Variants in CPNE8 observed in about 807,000 individuals in gnomAD.
CPNE8 encodes copine 8.
In CPNE8, 45 loss-of-function variants were observed where a neutral mutation model predicts 81.5. That is an observed-to-expected ratio of 0.55 (90% confidence interval 0.44 to 0.71). The LOEUF (loss-of-function observed/expected upper bound fraction) is 0.71. CPNE8 is among the 30% of genes least tolerant of loss of function. CPNE8 has a pLI of 0.00. For missense variants in CPNE8, 594 were observed against 672.1 expected (o/e 0.88, Z 1.28); for synonymous variants, 252 against 226.3 (o/e 1.11, Z -1.02).
chr12:38,850,394 T>A (rs1943627193), intron 3 of CPNE8, among the ~76,000 whole-genome samples: 1 of 152,098 alleles, frequency 6.6e-6, no homozygotes, highest in Admixed American at 6.6e-5. Flanking sequence ...AGCCAGCAAC[T>A]CCCCAGAGCC....
intron 6 of CPNE8, among the ~76,000 whole-genome samples, chr12:38,782,202 A>T (rs1371891756): frequency 6.6e-6 from 1 of 152,194 alleles, no homozygotes; most frequent in Non-Finnish European, 1.5e-5. Flanking sequence ...TATAAACATA[A>T]AACTATTCTA....
At position 38,740,549 on chromosome 12, in the gene CPNE8, C is replaced by A. The variant is rs149554784; in HGVS notation, c.723-10191G>T. Among the ~76,000 whole-genome samples the A allele has an allele frequency of 4.7e-3, 712 of 152,230 alleles. 5 individuals carry two copies. Among genetic ancestry groups the A allele is most frequent in the African/African-American group, 0.016 (661 of 41,540 alleles). On this transcript the variant is annotated intron_variant, in intron 10 of 19. Coordinates refer to ENST00000331366, the MANE Select transcript of CPNE8 (RefSeq NM_153634.3). ...GTGGGTTTGTCATAAATAGCTCTTA[C>A]TATTTTGAGATACGTCCCATCAATA...
At chr12:38,684,987 C>T (rs1199705474) in intron 16 of CPNE8, among the ~76,000 whole-genome samples, 1 of 152,074 alleles carries the variant, frequency 6.6e-6, no homozygotes, top group Non-Finnish European at 1.5e-5. Flanking sequence ...GTACTATGTA[C>T]CATATACAGG....
At chr12:38,760,643 G>A (rs1223388168) in intron 10 of CPNE8, among the ~76,000 whole-genome samples, 1 of 151,726 alleles carries the variant, frequency 6.6e-6, no homozygotes, top group Admixed American at 6.6e-5. Context: ...CTAAGTTACT[G>A]GAAATAAGAA....
intron 18 of CPNE8, chr12:38,671,031 A>G (rs1939163041): frequency 1.6e-5 from 7 of 442,114 alleles, no homozygotes; most frequent in Non-Finnish European, 2.8e-5. Context: ...TTGAAAGGTG[A>G]GCAGAGCCAG....
At chr12:38,854,347 C>T (rs1000460707) in intron 3 of CPNE8, among the ~76,000 whole-genome samples, 1 of 124,324 alleles carries the variant, frequency 8.0e-6, no homozygotes, top group African/African-American at 3.9e-5. Context: ...TTATCCGAGG[C>T]ATTTTTTTCA....
chr12:38,675,885 C>A, intron 17 of CPNE8, 111 bp from the exon 18 acceptor site: 2 of 730,810 alleles, frequency 2.7e-6, no homozygotes, highest in South Asian at 1.7e-5. Context: ...TGTGGGAGGC[C>A]AAAGAAGGAG....
At chr12:38,691,233 A>G (rs1939668619) in intron 15 of CPNE8, among the ~76,000 whole-genome samples, 1 of 152,160 alleles carries the variant, frequency 6.6e-6, no homozygotes, top group Non-Finnish European at 1.5e-5. Flanking sequence ...CCTGGGTTCA[A>G]GTCCTGTCCT....
chr12:38,655,735 T>A (rs1479675073), intron 19 of CPNE8, among the ~76,000 whole-genome samples: 1 of 152,104 alleles, frequency 6.6e-6, no homozygotes, highest in Non-Finnish European at 1.5e-5. Context: ...AAAGATTAGG[T>A]ATAGTGCCTT....
At position 38,670,904 on chromosome 12, in the gene CPNE8, T is replaced by C. The variant is rs73093107; in HGVS notation, c.1433-102A>G. 2.9e-3 allele frequency: 2,148 copies of C among 748,662 alleles called. 20 individuals carry two copies. Among genetic ancestry groups the C allele is most frequent in the African/African-American group, 0.021 (1,165 of 55,956 alleles). 46.4% of individuals were successfully genotyped at this position (748,662 alleles called of 1,614,324 possible). ...AGATGTATGAAGTAGCAAAATGTGC[T>C]ATGAAAAGACAGAAAGCATGTTGAT... On this transcript the variant is annotated intron_variant, in intron 18 of 19. Transcript: ENST00000331366.
intron 6 of CPNE8, among the ~76,000 whole-genome samples, chr12:38,777,182 A>G (rs191974850): frequency 1.3e-5 from 2 of 152,288 alleles, no homozygotes; most frequent in Admixed American, 1.3e-4. Context: ...GGTGGAAGAC[A>G]GGGATACTGA....
At chr12:38,883,385 G>C (rs1296129944) in intron 1 of CPNE8, among the ~76,000 whole-genome samples, 1 of 152,030 alleles carries the variant, frequency 6.6e-6, no homozygotes, top group African/African-American at 2.4e-5. Context: ...TACAGAGAAA[G>C]ATATAAAATA....
At chr12:38,692,118 C>T (rs920424831) in intron 15 of CPNE8, among the ~76,000 whole-genome samples, 5 of 151,936 alleles carry the variant, frequency 3.3e-5, no homozygotes, top group Admixed American at 1.3e-4. Context: ...ACAGTGAAAC[C>T]CCATCTCTAC....
chr12:38,654,514 C>CAAA (rs71068569), intron 19 of CPNE8, among the ~76,000 whole-genome samples: 4,610 of 96,766 alleles, frequency 0.048, 231 homozygotes, highest in Middle Eastern at 0.088. Context: ...GACTCTGTCT[C>CAAA]AAAAAAAAAA....
chr12:38,704,027 C>T (rs1381446618), intron 13 of CPNE8, among the ~76,000 whole-genome samples: 1 of 152,130 alleles, frequency 6.6e-6, no homozygotes, highest in East Asian at 1.9e-4. Context: ...CGTATTCTTC[C>T]TTATAAGTGC....
chr12:38,807,586 T>C (rs1289720016), intron 6 of CPNE8, among the ~76,000 whole-genome samples: 3 of 151,048 alleles, frequency 2.0e-5, no homozygotes, highest in African/African-American at 7.3e-5. Flanking sequence ...CCTTACACCT[T>C]ATACAAAAAT....
chr12:38,757,064 A>G (rs939258153), intron 10 of CPNE8, among the ~76,000 whole-genome samples: 2 of 152,170 alleles, frequency 1.3e-5, no homozygotes, highest in Admixed American at 1.3e-4. Flanking sequence ...AAAATTTAAA[A>G]TTATATATGT....
chr12:38,780,547 T>C lies in CPNE8; in HGVS notation c.408-4246A>G, dbSNP rs151296239. Among the ~76,000 whole-genome samples, 21 of 151,966 alleles carry C rather than the reference T, an allele frequency of 1.4e-4. No homozygotes were observed. The East Asian group carries it at 2.1e-3, about 15-fold the overall frequency. ...AATAGATTTACACTTGGGCACATGA[T>C]AGGAGCATGGAAAAACGTGAGAGAT... On this transcript the variant is annotated intron_variant, in intron 6 of 19. Coordinates refer to ENST00000331366, the MANE Select transcript of CPNE8 (RefSeq NM_153634.3).
chr12:38,719,370 G>A (rs760734630), intron 13 of CPNE8, among the ~76,000 whole-genome samples: 5 of 152,030 alleles, frequency 3.3e-5, no homozygotes, highest in Admixed American at 6.5e-5. Flanking sequence ...TTGGGAGGCC[G>A]AGAAGGGCAG....
Sources: allele counts gnomAD v4.1 joint callset (sites outside exome capture counted in the v4.1 genomes callset), GRCh38; gene constraint gnomAD v4.1.1; transcripts MANE v1.5; gene names NCBI Gene and HGNC (gene_info 2026-07-23, HGNC 2026-07-21).